NLGN1: variants seen among roughly 807,000 people sequenced by gnomAD.
NLGN1 encodes neuroligin 1.
A neutral mutation model predicts 65.5 loss-of-function variants in NLGN1; 12 were observed. The observed-to-expected ratio is 0.18, with a 90% CI of 0.12 to 0.30. The LOEUF (loss-of-function observed/expected upper bound fraction) is 0.30, where lower values mean the gene tolerates loss of function less well. Among genes scored for constraint, NLGN1 ranks in the 10% least tolerant of loss-of-function variants. The pLI, the probability that NLGN1 is intolerant of heterozygous loss-of-function variation, is 1.00. For synonymous variants in NLGN1, 350 were observed against 359.5 expected (o/e 0.97, Z 0.30); for missense variants, 750 against 1,007.1 (o/e 0.74, Z 3.46).
chr3:174,191,975 A>G (rs1577291875), intron 4 of NLGN1, among the ~76,000 whole-genome samples: 1 of 152,280 alleles, frequency 6.6e-6, no homozygotes, highest in South Asian at 2.1e-4. Context: ...TTATCTATTA[A>G]AACTTCTTGT....
intron 3 of NLGN1, among the ~76,000 whole-genome samples, chr3:173,611,371 G>C (rs1474357114): frequency 6.6e-6 from 1 of 151,888 alleles, no homozygotes; most frequent in Admixed American, 6.6e-5. Context: ...TCCTTTGAAA[G>C]AGTTATTTTA....
At chr3:173,758,094 C>T (rs1185498331) in intron 3 of NLGN1, among the ~76,000 whole-genome samples, 2 of 151,900 alleles carry the variant, frequency 1.3e-5, no homozygotes, top group Non-Finnish European at 2.9e-5. Flanking sequence ...TATTGCTGGC[C>T]TTATAAGAAG....
chr3:173,486,418 A>C (rs1461114186), intron 2 of NLGN1, among the ~76,000 whole-genome samples: 1 of 152,138 alleles, frequency 6.6e-6, no homozygotes, highest in African/African-American at 2.4e-5. Flanking sequence ...GCTTCACTAG[A>C]CTGTCAGAGG....
intron 4 of NLGN1, among the ~76,000 whole-genome samples, chr3:173,965,901 T>C (rs1714745784): frequency 6.6e-6 from 1 of 152,192 alleles, no homozygotes. Context: ...TTTTTCAGTA[T>C]ATAAATATAC....
At chr3:173,934,735 C>T (rs1018043123) in intron 4 of NLGN1, among the ~76,000 whole-genome samples, 4 of 151,880 alleles carry the variant, frequency 2.6e-5, no homozygotes, top group African/African-American at 9.7e-5. Context: ...TTGATGAATC[C>T]ATCTTTATCA....
intron 4 of NLGN1, among the ~76,000 whole-genome samples, chr3:173,852,218 T>C (rs1246518185): frequency 1.3e-4 from 20 of 150,268 alleles, no homozygotes; most frequent in Non-Finnish European, 3.0e-5. Flanking sequence ...TAGCCGGGCG[T>C]GGTAGCGGGC....
intron 2 of NLGN1, among the ~76,000 whole-genome samples, chr3:173,452,600 A>G (rs1204896485): frequency 6.6e-6 from 1 of 152,218 alleles, no homozygotes; most frequent in African/African-American, 2.4e-5. Context: ...TACTGATATG[A>G]ACAGGCCTGT....
chr3:173,760,111 A>G lies in NLGN1; in HGVS notation c.494-47569A>G, dbSNP rs545351152. 2.6e-5 allele frequency among the ~76,000 whole-genome samples: 4 copies of G among 152,076 alleles called. No individual in the cohort carries two copies. The South Asian group carries it at 8.3e-4, about 31-fold the overall frequency. On this transcript the variant is annotated intron_variant, in intron 3 of 6. Transcript: ENST00000457714. ...TCTGCAAGTGGCTTTAAATTTTTGCATTCCTATAAAATCACCTCTTTCACT... is the reference window on the plus strand; with the variant it reads ...TCTGCAAGTGGCTTTAAATTTTTGCGTTCCTATAAAATCACCTCTTTCACT...
chr3:173,718,242 T>C (rs1461063350), intron 3 of NLGN1, among the ~76,000 whole-genome samples: 3 of 152,082 alleles, frequency 2.0e-5, no homozygotes, highest in African/African-American at 7.2e-5. Context: ...ACACTAGAAC[T>C]TCCTTCTTCT....
intron 2 of NLGN1, among the ~76,000 whole-genome samples, chr3:173,477,983 A>T (rs1463571150): frequency 6.6e-6 from 1 of 152,204 alleles, no homozygotes; most frequent in Non-Finnish European, 1.5e-5. Flanking sequence ...ACGTTTGTGG[A>T]AGATGGCGTG....
rs1342982657 is a variant in NLGN1 at position 174,280,999 on chromosome 3, C to A, written c.2168C>A (p.Thr723Asn). ...CAGCGCACTACTACCAATGATCTAA[C>A]CCATGCACAAGAAGAGGAAATCATG... Residue 723 changes from threonine to asparagine, a missense_variant, in exon 7 of 7, where the codon ACC becomes AAC. Coordinates refer to ENST00000457714, the Ensembl canonical transcript of NLGN1. The surrounding 1 kb of genome is among the most constrained non-coding windows in gnomAD (Gnocchi z 4.9). 13 of 1,613,246 alleles carry A rather than the reference C, an allele frequency of 8.1e-6. No homozygotes were observed. The highest frequency in any genetic ancestry group is 1.1e-5 in the Non-Finnish European group (13 of 1,179,598).
At chr3:174,013,849 G>C (rs916316690) in intron 4 of NLGN1, among the ~76,000 whole-genome samples, 17 of 152,246 alleles carry the variant, frequency 1.1e-4, no homozygotes, top group African/African-American at 3.6e-4. Flanking sequence ...ATGGAGCTGG[G>C]ACCATAGGCA....
intron 4 of NLGN1, among the ~76,000 whole-genome samples, chr3:173,921,791 G>A (rs1181536847): frequency 6.6e-6 from 1 of 152,112 alleles, no homozygotes; most frequent in African/African-American, 2.4e-5. Flanking sequence ...ATCAGAAATT[G>A]ACATCATGAA....
At chr3:173,487,723 T>G (rs1728399384) in intron 2 of NLGN1, among the ~76,000 whole-genome samples, 1 of 152,088 alleles carries the variant, frequency 6.6e-6, no homozygotes. Context: ...ATATTTCTTT[T>G]TGCCATAAAG....
intron 4 of NLGN1, among the ~76,000 whole-genome samples, chr3:173,834,827 C>T (rs895788351): frequency 1.3e-5 from 2 of 152,164 alleles, no homozygotes; most frequent in Admixed American, 6.6e-5. Flanking sequence ...TCTATGTAAT[C>T]ACTCTCATTC....
chr3:173,984,458 A>G (rs1382072321), intron 4 of NLGN1, among the ~76,000 whole-genome samples: 1 of 152,212 alleles, frequency 6.6e-6, no homozygotes, highest in East Asian at 1.9e-4. Context: ...TCAAACGCTC[A>G]TATGGTCAAA....
At chr3:173,809,877 A>C (rs1248936873) in intron 4 of NLGN1, among the ~76,000 whole-genome samples, 1 of 152,264 alleles carries the variant, frequency 6.6e-6, no homozygotes, top group African/African-American at 2.4e-5. Flanking sequence ...GAGAGCAGAC[A>C]GTATTGATAT....
intron 2 of NLGN1, among the ~76,000 whole-genome samples, chr3:173,469,353 C>T (rs1240784627): frequency 6.6e-6 from 1 of 152,000 alleles, no homozygotes; most frequent in Non-Finnish European, 1.5e-5. Flanking sequence ...ATAGCAATAC[C>T]TCCCAGATTG....
intron 4 of NLGN1, among the ~76,000 whole-genome samples, chr3:174,027,377 T>C (rs1206151460): frequency 6.6e-6 from 1 of 152,130 alleles, no homozygotes; most frequent in African/African-American, 2.4e-5. Flanking sequence ...CTGTTTACCA[T>C]TTTGAGCTCT....
Sources: gnomAD v4.1 joint callset for allele counts (sites outside exome capture counted in the v4.1 genomes callset) on GRCh38, gnomAD v4.1.1 for gene constraint, Gnocchi (gnomAD v3.1) non-coding constraint, MANE v1.5 for transcripts, NCBI Gene and HGNC (gene_info 2026-07-23, HGNC 2026-07-21) for gene names.